Variants in AFF3 observed in about 807,000 individuals in gnomAD.
AFF3 encodes AF4/FMR2 family member 3.
Under a neutral mutation model 129.7 loss-of-function variants are expected in AFF3, and 32 were observed. The ratio of observed to expected loss-of-function variants is 0.25; its 90% CI spans 0.19 to 0.33. AFF3 has a LOEUF of 0.33. Ranked by LOEUF, AFF3 falls within the 10% of genes least tolerant of loss-of-function variation. AFF3 has a pLI of 1.00. For missense variants in AFF3, 1,373 were observed against 1,592.0 expected, an observed-to-expected ratio of 0.86 and a Z score of 2.34; for synonymous variants, 644 against 635.4, an observed-to-expected ratio of 1.01 and a Z score of -0.20.
At chr2:99,981,260 C>T (rs967642406) in intron 7 of AFF3, among the ~76,000 whole-genome samples, 10 of 152,248 alleles carry the variant, frequency 6.6e-5, no homozygotes, top group South Asian at 4.1e-4. Flanking sequence ...TCAGGTGATC[C>T]GCCCACCTCA....
intron 24 of AFF3, among the ~76,000 whole-genome samples, chr2:99,553,917 C>CAAAAAAAAAAAAAAAAAAAAAAAAAA (rs1674649199): frequency 1.4e-5 from 1 of 72,454 alleles, no homozygotes; most frequent in Non-Finnish European, 2.4e-5. Context: ...CTGTCTCAAA[C>CAAAAAAAAAAAAAAAAAAAAAAAAAA]CAAAAAAAAA....
Position 99,559,974 on chromosome 2 carries a change from G to C in AFF3, c.3191+391C>G, listed in dbSNP as rs184714392. Among the ~76,000 whole-genome samples, 10 of 152,346 alleles carry C rather than the reference G, an allele frequency of 6.6e-5. No homozygotes were observed. In the South Asian group the frequency reaches 2.1e-3, roughly 32 times the overall value. On this transcript the variant is annotated intron_variant, in intron 21 of 24. Coordinates refer to ENST00000672756, the MANE Select transcript of AFF3 (RefSeq NM_001386135.1). ...CTGTGGCATCATTTTCAAAGTAAGC[G>C]GCTGCGCCGGGTGCGATGGCTCACG...
chr2:99,858,759 G>T (rs1457932289), intron 7 of AFF3, among the ~76,000 whole-genome samples: 1 of 152,154 alleles, frequency 6.6e-6, no homozygotes, highest in African/African-American at 2.4e-5. Context: ...GAGAGTGGAG[G>T]GTGGGAGGAG....
intron 2 of AFF3, among the ~76,000 whole-genome samples, chr2:100,108,609 A>G (rs145668639): frequency 1.4e-3 from 217 of 152,292 alleles, no homozygotes; most frequent in African/African-American, 4.9e-3. Flanking sequence ...ATCTAAGGAC[A>G]TACTCCCTGC....
At chr2:99,674,142 G>T (rs1260373650) in intron 11 of AFF3, among the ~76,000 whole-genome samples, 1 of 152,166 alleles carries the variant, frequency 6.6e-6, no homozygotes, top group African/African-American at 2.4e-5. Context: ...TCCCAGTGCC[G>T]AGAGGTGTCG....
intron 7 of AFF3, among the ~76,000 whole-genome samples, chr2:99,857,908 C>T (rs575779969): frequency 6.6e-6 from 1 of 152,168 alleles, no homozygotes; most frequent in African/African-American, 2.4e-5. Flanking sequence ...TGGTTTACCA[C>T]ATTATACTGG....
chr2:100,107,147 TC>T lies in AFF3; in HGVS notation c.-144-1565del, dbSNP rs570684737. On this transcript the variant is annotated intron_variant, in intron 2 of 24. Coordinates refer to ENST00000672756, the MANE Select transcript of AFF3 (RefSeq NM_001386135.1). ...AGTGTTATGTTTTCATGTAATAGTG[TC>T]TTGGAGAATGAGGACTTTTGAGGAA... 3.3e-5 allele frequency: 33 copies of T among 985,442 alleles called. No homozygotes were observed. The South Asian group carries it at 9.4e-4, about 28-fold the overall frequency. The allele number at this position is 985,442 out of a possible 1,614,324, so 61.0% of individuals were successfully genotyped here.
At chr2:99,637,101 C>T (rs1575568366) in intron 13 of AFF3, among the ~76,000 whole-genome samples, 1 of 152,152 alleles carries the variant, frequency 6.6e-6, no homozygotes, top group African/African-American at 2.4e-5. Flanking sequence ...GTAGAGGGTG[C>T]TGGCCTGAAG....
chr2:99,738,249 T>C (rs1680419651), intron 10 of AFF3, among the ~76,000 whole-genome samples: 2 of 152,108 alleles, frequency 1.3e-5, no homozygotes, highest in Admixed American at 1.3e-4. Flanking sequence ...TCCTCTCCAT[T>C]TTCTTTTTCT....
chr2:99,909,475 G>A (rs1304919519), intron 7 of AFF3, among the ~76,000 whole-genome samples: 1 of 150,350 alleles, frequency 6.7e-6, no homozygotes, highest in Admixed American at 6.6e-5. Context: ...GGAGAGGAGA[G>A]GGATAGCATT....
At chr2:100,073,449 A>C (rs1286114476) in intron 4 of AFF3, among the ~76,000 whole-genome samples, 1 of 152,184 alleles carries the variant, frequency 6.6e-6, no homozygotes, top group Admixed American at 6.5e-5. Context: ...AGCCTTGCCA[A>C]CACCTTCCTC....
intron 7 of AFF3, among the ~76,000 whole-genome samples, chr2:99,955,385 C>T (rs1009983488): frequency 8.5e-5 from 13 of 152,256 alleles, no homozygotes; most frequent in Middle Eastern, 3.4e-3. Flanking sequence ...TCTTCTGTGA[C>T]GCTTTACTAC....
At chr2:99,865,282 A>T (rs1435834440) in intron 7 of AFF3, among the ~76,000 whole-genome samples, 1 of 152,228 alleles carries the variant, frequency 6.6e-6, no homozygotes, top group Non-Finnish European at 1.5e-5. Context: ...AGTGGAAATG[A>T]GACAGCTTCT....
intron 7 of AFF3, among the ~76,000 whole-genome samples, chr2:99,915,808 A>G (rs1267214646): frequency 6.6e-6 from 1 of 152,172 alleles, no homozygotes; most frequent in East Asian, 1.9e-4. Flanking sequence ...TTTGGGATTT[A>G]AATATCTTTT....
chr2:100,001,531 C>G (rs543845956), intron 7 of AFF3, among the ~76,000 whole-genome samples: 87 of 152,328 alleles, frequency 5.7e-4, no homozygotes, highest in Non-Finnish European at 1.0e-3. Context: ...CGAGTTCAGG[C>G]AATTCTTCTG....
intron 7 of AFF3, among the ~76,000 whole-genome samples, chr2:99,983,912 A>C (rs1480810401): frequency 6.6e-6 from 1 of 152,176 alleles, no homozygotes; most frequent in Non-Finnish European, 1.5e-5. Context: ...TTTGGAAAAA[A>C]AAAGCAACTT....
intron 13 of AFF3, among the ~76,000 whole-genome samples, chr2:99,646,531 G>C (rs1342616053): frequency 6.6e-6 from 1 of 152,180 alleles, no homozygotes; most frequent in African/African-American, 2.4e-5. Flanking sequence ...AACCAGGATG[G>C]TTTGTGTAAA....
At chr2:99,587,655 G>A (rs1236707859) in intron 15 of AFF3, among the ~76,000 whole-genome samples, 2 of 152,202 alleles carry the variant, frequency 1.3e-5, no homozygotes, top group African/African-American at 4.8e-5. Context: ...AGTACAGCAA[G>A]TGTGTGTTCT....
At chr2:99,681,453 A>G (rs536811021) in intron 11 of AFF3, among the ~76,000 whole-genome samples, 1 of 152,216 alleles carries the variant, frequency 6.6e-6, no homozygotes, top group Non-Finnish European at 1.5e-5. Flanking sequence ...GACTTCTGAC[A>G]AGCTGCTATG....
Sources: gnomAD v4.1 joint callset for allele counts (sites outside exome capture counted in the v4.1 genomes callset) on GRCh38, gnomAD v4.1.1 for gene constraint, MANE v1.5 for transcripts, NCBI Gene and HGNC (gene_info 2026-07-23, HGNC 2026-07-21) for gene names.